SIPA1L1: variants seen among roughly 807,000 people sequenced by gnomAD.
SIPA1L1 encodes signal induced proliferation associated 1 like 1.
A neutral mutation model predicts 162.7 loss-of-function variants in SIPA1L1; 26 were observed. That is an observed-to-expected ratio of 0.16 (90% CI 0.12 to 0.22). The LOEUF (loss-of-function observed/expected upper bound fraction) is 0.22. SIPA1L1 is among the 10% of genes least tolerant of loss of function. SIPA1L1 has a pLI of 1.00. For synonymous variants in SIPA1L1, 829 were observed against 837.4 expected, an observed-to-expected ratio of 0.99 and a Z score of 0.17; for missense variants, 1,874 against 2,241.0, an observed-to-expected ratio of 0.84 and a Z score of 3.31.
chr14:71,578,950 A>G (rs2033525774), intron 4 of SIPA1L1, among the ~76,000 whole-genome samples: 1 of 152,246 alleles, frequency 6.6e-6, no homozygotes, highest in South Asian at 2.1e-4. Flanking sequence ...GAAGTTTGTC[A>G]GAGAGAGGAA....
chr14:71,723,125 A>G (rs2083899645), intron 17 of SIPA1L1, among the ~76,000 whole-genome samples: 1 of 152,224 alleles, frequency 6.6e-6, no homozygotes, highest in Admixed American at 6.5e-5. Flanking sequence ...TCCAGAGCCA[A>G]TAGGAATGCC....
At chr14:71,599,147 C>CT (rs35037397) in intron 5 of SIPA1L1, among the ~76,000 whole-genome samples, 46,871 of 106,102 alleles carry the variant, frequency 0.44, 14,221 homozygotes, top group African/African-American at 0.82. Context: ...TGATTTCATT[C>CT]TTTTTTTTTT....
At chr14:71,495,886 C>CAAAAAAAAAAAAAAAA (rs61183823) in intron 2 of SIPA1L1, among the ~76,000 whole-genome samples, 2 of 38,006 alleles carry the variant, frequency 5.3e-5, no homozygotes, top group Non-Finnish European at 1.1e-4. Context: ...TCCATCTCTA[C>CAAAAAAAAAAAAAAAA]AAAAAAAAAA....
chr14:71,564,156 C>G (rs145660848), intron 4 of SIPA1L1, among the ~76,000 whole-genome samples: 9 of 152,118 alleles, frequency 5.9e-5, no homozygotes, highest in African/African-American at 2.2e-4. Flanking sequence ...GCTATGTTTT[C>G]TAGATTGGTC....
chr14:71,411,905 A>T (rs1386575553), intron 2 of SIPA1L1, among the ~76,000 whole-genome samples: 1 of 152,202 alleles, frequency 6.6e-6, no homozygotes, highest in Admixed American at 6.5e-5. Flanking sequence ...AGAATGGAGT[A>T]ATTCTGATGG....
At chr14:71,601,905 T>C (rs1305831792) in intron 5 of SIPA1L1, among the ~76,000 whole-genome samples, 1 of 152,088 alleles carries the variant, frequency 6.6e-6, no homozygotes, top group Non-Finnish European at 1.5e-5. Context: ...TTATCAGTTG[T>C]GATGTCTTTT....
chr14:71,723,966 C>A (rs2083995575), intron 18 of SIPA1L1, 80 bp downstream of exon 18: 2 of 1,555,124 alleles, frequency 1.3e-6, no homozygotes, highest in Admixed American at 3.6e-5. Flanking sequence ...TGATCTCTTA[C>A]AACAAAAGAG....
chr14:71,414,408 A>C (rs2140368082), intron 2 of SIPA1L1, among the ~76,000 whole-genome samples: 1 of 152,172 alleles, frequency 6.6e-6, no homozygotes, highest in East Asian at 1.9e-4. Flanking sequence ...AAAAACAAAA[A>C]CAAAAAACCC....
At chr14:71,700,255 A>G (rs1035849774) in intron 14 of SIPA1L1, among the ~76,000 whole-genome samples, 2 of 151,566 alleles carry the variant, frequency 1.3e-5, no homozygotes, top group African/African-American at 4.9e-5. Context: ...CTACCAAAAA[A>G]TAAAAGCAAG....
chr14:71,650,253 G>A (rs746147751), intron 7 of SIPA1L1, 82 bp from the exon 8 acceptor site: 3 of 1,367,986 alleles, frequency 2.2e-6, no homozygotes, highest in Admixed American at 3.4e-5. Context: ...CTGGGCATGT[G>A]CCCTATAGGA....
At chr14:71,659,834 T>C (rs1422079309) in intron 9 of SIPA1L1, among the ~76,000 whole-genome samples, 2 of 152,130 alleles carry the variant, frequency 1.3e-5, no homozygotes, top group African/African-American at 4.8e-5. Flanking sequence ...GGCAAAAATG[T>C]TACAGTCTTA....
intron 17 of SIPA1L1, among the ~76,000 whole-genome samples, chr14:71,716,190 G>A (rs536949899): frequency 2.0e-5 from 3 of 151,670 alleles, no homozygotes; most frequent in African/African-American, 4.8e-5. Flanking sequence ...ATTGTGTTCC[G>A]TACGGTACTC....
At chr14:71,361,183 A>C (rs2037777177) in intron 2 of SIPA1L1, among the ~76,000 whole-genome samples, 1 of 152,184 alleles carries the variant, frequency 6.6e-6, no homozygotes, top group African/African-American at 2.4e-5. Context: ...TGATCATGCA[A>C]CTGAGTTGTA....
chr14:71,441,901 G>T (rs1407004556), intron 2 of SIPA1L1, among the ~76,000 whole-genome samples: 1 of 152,094 alleles, frequency 6.6e-6, no homozygotes, highest in Admixed American at 6.6e-5. Context: ...GCCAGGTGTG[G>T]TGGCTCCTGC....
intron 3 of SIPA1L1, among the ~76,000 whole-genome samples, chr14:71,522,524 C>A (rs146053811): frequency 0.016 from 2,498 of 152,150 alleles, 43 homozygotes; most frequent in South Asian, 0.059. Flanking sequence ...AAACTGAAAA[C>A]CTGAACTCCA....
intron 13 of SIPA1L1, among the ~76,000 whole-genome samples, chr14:71,688,218 T>C (rs1487475857): frequency 2.6e-5 from 4 of 152,210 alleles, no homozygotes; most frequent in African/African-American, 9.7e-5. Context: ...AAATCTGTAA[T>C]ACTACAAAAT....
chr14:71,399,782 C>T (rs1233086098), intron 2 of SIPA1L1, among the ~76,000 whole-genome samples: 1 of 151,718 alleles, frequency 6.6e-6, no homozygotes, highest in Non-Finnish European at 1.5e-5. Context: ...AGTGCAGTGG[C>T]GCAGTCTCGA....
At chr14:71,642,884 C>T (rs1433063499) in intron 7 of SIPA1L1, among the ~76,000 whole-genome samples, 1 of 151,394 alleles carries the variant, frequency 6.6e-6, no homozygotes, top group African/African-American at 2.4e-5. Flanking sequence ...TTGAAAAGTA[C>T]ACTGGACAGA....
intron 2 of SIPA1L1, among the ~76,000 whole-genome samples, chr14:71,470,733 C>T (rs185825203): frequency 3.1e-4 from 47 of 152,226 alleles, no homozygotes; most frequent in African/African-American, 1.1e-3. Context: ...CAAGCTGTGA[C>T]TATTATGTAG....
Sources: gnomAD v4.1 joint callset for allele counts (sites outside exome capture counted in the v4.1 genomes callset) on GRCh38, gnomAD v4.1.1 for gene constraint, MANE v1.5 for transcripts, NCBI Gene and HGNC (gene_info 2026-07-23, HGNC 2026-07-21) for gene names.